Variants in TAB2 observed in about 807,000 individuals in gnomAD.
TAB2 encodes TGF-beta-activated kinase 1 and MAP3K7-binding protein 2.
In TAB2, 3 loss-of-function variants were observed where a neutral mutation model predicts 65.0. The ratio of observed to expected loss-of-function variants is 0.05; its 90% CI spans 0.02 to 0.12. TAB2 has a LOEUF of 0.12. Ranked by LOEUF, TAB2 falls within the 10% of genes least tolerant of loss-of-function variation. The pLI, the probability that TAB2 is intolerant of heterozygous loss-of-function variation, is 1.00. For synonymous variants in TAB2, 298 were observed against 285.1 expected (o/e 1.05, Z -0.46); for missense variants, 623 against 840.3 (o/e 0.74, Z 3.20).
intron 1 of TAB2, among the ~76,000 whole-genome samples, chr6:149,359,126 CT>C (rs1173634800): frequency 6.6e-6 from 1 of 151,926 alleles, no homozygotes; most frequent in African/African-American, 2.4e-5. Context: ...ATTAATGTTC[CT>C]GATCTTTACT....
chr6:149,345,549 T>C (rs1024919115), intron 1 of TAB2, among the ~76,000 whole-genome samples: 2 of 147,678 alleles, frequency 1.4e-5, no homozygotes, highest in African/African-American at 2.4e-5. Flanking sequence ...TAGTAATGCA[T>C]GAATATGTGT....
intron 1 of TAB2, among the ~76,000 whole-genome samples, chr6:149,309,588 G>A (rs1003407793): frequency 2.6e-5 from 4 of 151,668 alleles, no homozygotes; most frequent in Non-Finnish European, 4.4e-5. Context: ...TAGTAGAGAC[G>A]GGGTTTCACC....
intron 6 of TAB2, among the ~76,000 whole-genome samples, chr6:149,408,764 A>G (rs958572130): frequency 1.3e-5 from 2 of 152,170 alleles, no homozygotes; most frequent in Admixed American, 6.5e-5. Context: ...TTTGAGGAAT[A>G]TAATTATTCT....
intron 3 of TAB2, among the ~76,000 whole-genome samples, chr6:149,381,904 GT>G (rs1781623493): frequency 6.6e-6 from 1 of 152,010 alleles, no homozygotes; most frequent in African/African-American, 2.4e-5. Flanking sequence ...CATCACTACT[GT>G]GGTCTCAGCA....
At chr6:149,402,755 G>A (rs1782478485) in intron 6 of TAB2, among the ~76,000 whole-genome samples, 1 of 152,080 alleles carries the variant, frequency 6.6e-6, no homozygotes, top group Non-Finnish European at 1.5e-5. Flanking sequence ...ACCAAACTGA[G>A]CACATTAAAA....
At chr6:149,267,654 G>A (rs751475638) in intron 1 of TAB2, among the ~76,000 whole-genome samples, 52 of 152,020 alleles carry the variant, frequency 3.4e-4, no homozygotes, top group African/African-American at 7.7e-4. Context: ...GAAATGCGTC[G>A]TTAGGTGATT....
At position 149,252,907 on chromosome 6, in the gene TAB2, G is replaced by A. The variant is rs148827188; in HGVS notation, c.-121+34131G>A. Among the ~76,000 whole-genome samples, 17 of 152,248 alleles carry A rather than the reference G, an allele frequency of 1.1e-4. No homozygotes were observed. The East Asian group carries it at 1.2e-3, about 10-fold the overall frequency. On this transcript the variant is annotated intron_variant, in intron 1 of 1. Transcript: ENST00000606202. Reference sequence around the variant, plus strand: ...GAGAAGAACTTGCCTTTGGTCCCACGAGGAGAAGCTATATGGAGCAGAGAA... The same window carrying A: ...GAGAAGAACTTGCCTTTGGTCCCACAAGGAGAAGCTATATGGAGCAGAGAA...
At chr6:149,305,669 G>C (rs114949965) in intron 1 of TAB2, among the ~76,000 whole-genome samples, 3,170 of 151,832 alleles carry the variant, frequency 0.021, 122 homozygotes, top group African/African-American at 0.073. Flanking sequence ...AGACAAAGCA[G>C]TTATTCATAA....
At chr6:149,340,119 CTT>C (rs558901119) in intron 1 of TAB2, among the ~76,000 whole-genome samples, 1 of 152,096 alleles carries the variant, frequency 6.6e-6, no homozygotes, top group African/African-American at 2.4e-5. Context: ...GATTCGGAAT[CTT>C]TTAAGTTTCA....
chr6:149,389,026 G>A (rs1426434116), intron 3 of TAB2, among the ~76,000 whole-genome samples: 1 of 149,718 alleles, frequency 6.7e-6, no homozygotes, highest in African/African-American at 2.5e-5. Flanking sequence ...TGCAGTCTCG[G>A]CTCACTGCAA....
intron 1 of TAB2, among the ~76,000 whole-genome samples, chr6:149,301,354 G>T (rs752188582): frequency 2.0e-5 from 3 of 152,206 alleles, no homozygotes; most frequent in Admixed American, 6.5e-5. Context: ...AGCAGTGGGT[G>T]CTTGGGGCCA....
At chr6:149,295,798 A>G (rs949300650) in intron 1 of TAB2, among the ~76,000 whole-genome samples, 3 of 152,076 alleles carry the variant, frequency 2.0e-5, no homozygotes, top group Admixed American at 2.0e-4. Flanking sequence ...TTTGAGACAG[A>G]GTCTTGCTCT....
chr6:149,228,786 C>A (rs565545524), intron 1 of TAB2, among the ~76,000 whole-genome samples: 36 of 152,372 alleles, frequency 2.4e-4, no homozygotes, highest in African/African-American at 8.4e-4. Flanking sequence ...CCAATTCAAT[C>A]ACATGGGCCT....
intron 1 of TAB2, among the ~76,000 whole-genome samples, chr6:149,332,977 G>A (rs1483590756): frequency 6.6e-6 from 1 of 152,074 alleles, no homozygotes; most frequent in East Asian, 1.9e-4. Context: ...TATCTTTCTA[G>A]CACTTCGTTT....
chr6:149,409,304 T>TATTCTACTATAA (rs1185212711), intron 6 of TAB2, among the ~76,000 whole-genome samples: 4 of 152,228 alleles, frequency 2.6e-5, no homozygotes, highest in African/African-American at 9.6e-5. Context: ...AGATACCCTT[T>TATTCTACTATAA]ATTCTACTAT....
chr6:149,239,234 A>G (rs1777553331), intron 1 of TAB2, among the ~76,000 whole-genome samples: 1 of 152,232 alleles, frequency 6.6e-6, no homozygotes, highest in Non-Finnish European at 1.5e-5. Context: ...TGATCGCTTG[A>G]TAGACAAGCC....
intron 2 of TAB2, among the ~76,000 whole-genome samples, chr6:149,375,058 A>T (rs1016334159): frequency 7.2e-5 from 11 of 152,200 alleles, no homozygotes; most frequent in African/African-American, 2.7e-4. Flanking sequence ...CTAAGAATTG[A>T]TTATTTTAAG....
intron 6 of TAB2, chr6:149,400,874 C>CT: frequency 1.6e-6 from 1 of 611,268 alleles, no homozygotes; most frequent in Admixed American, 3.4e-5. Flanking sequence ...AAGCATATTG[C>CT]TTTTTTCTTC....
At chr6:149,329,111 A>G (rs1197069493) in intron 1 of TAB2, among the ~76,000 whole-genome samples, 1 of 152,332 alleles carries the variant, frequency 6.6e-6, no homozygotes, top group Middle Eastern at 3.4e-3. Flanking sequence ...AGATACCTGT[A>G]TACTCCATAA....
Sources: allele counts gnomAD v4.1 joint callset (sites outside exome capture counted in the v4.1 genomes callset), GRCh38; gene constraint gnomAD v4.1.1; transcripts MANE v1.5; gene names NCBI Gene and HGNC (gene_info 2026-07-23, HGNC 2026-07-21).